DMRT1: variants seen among roughly 807,000 people sequenced by gnomAD.
DMRT1 encodes doublesex- and mab-3-related transcription factor 1.
In DMRT1, 7 loss-of-function variants were observed where a neutral mutation model predicts 32.3. That is an observed-to-expected ratio of 0.22 (90% CI 0.12 to 0.41). DMRT1 has a LOEUF of 0.41. Ranked by LOEUF, DMRT1 falls within the 10% of genes least tolerant of loss-of-function variation. The pLI is 1.00. For missense variants in DMRT1, 625 were observed against 500.5 expected (o/e 1.25, Z -2.37); for synonymous variants, 278 against 206.1 (o/e 1.35, Z -2.99).
chr9:967,888 T>C, intron 4 of DMRT1, 97 bp from the exon 5 acceptor site: 1 of 1,190,874 alleles, frequency 8.4e-7, no homozygotes, highest in Non-Finnish European at 1.2e-6. Flanking sequence ...ACTTTCTTTG[T>C]TGTAACCTAA....
intron 3 of DMRT1, chr9:894,799 TTTTG>T (rs1367483780): frequency 1.9e-5 from 3 of 159,986 alleles, no homozygotes; most frequent in African/African-American, 4.8e-5. Context: ...TTGTTTTTTT[TTTTG>T]TTTGTTTGTT....
chr9:879,040 A>G (rs1009977689), intron 2 of DMRT1, among the ~76,000 whole-genome samples: 1 of 152,198 alleles, frequency 6.6e-6, no homozygotes, highest in Non-Finnish European at 1.5e-5. Context: ...ATAAGGATAA[A>G]GCCAGAGCTG....
intron 4 of DMRT1, among the ~76,000 whole-genome samples, chr9:939,108 C>A (rs16926432): frequency 0.043 from 6,514 of 152,294 alleles, 333 homozygotes; most frequent in African/African-American, 0.12. Flanking sequence ...CCTGTGCATC[C>A]TTTTCCCCTA....
At chr9:949,162 C>T (rs1819346874) in intron 4 of DMRT1, among the ~76,000 whole-genome samples, 1 of 151,908 alleles carries the variant, frequency 6.6e-6, no homozygotes, top group African/African-American at 2.4e-5. Context: ...CCCTTGAGGC[C>T]AGGAGTTTAA....
At chr9:956,361 T>C (rs529347785) in intron 4 of DMRT1, among the ~76,000 whole-genome samples, 3 of 152,262 alleles carry the variant, frequency 2.0e-5, no homozygotes, top group Middle Eastern at 3.4e-3. Flanking sequence ...GCAGTGGTTG[T>C]GAATGTACTT....
In DMRT1 at chr9:894,141, C is replaced by G. The variant is rs749527735; in HGVS notation, c.768C>G (p.Ser256Arg). 1 of 1,614,142 alleles carries G rather than the reference C, an allele frequency of 6.2e-7. No homozygotes were observed. The highest frequency in any genetic ancestry group is 1.7e-5 in the Admixed American group (1 of 60,032). The change falls in exon 3 of 5, where the codon AGC (serine) becomes AGG (arginine). Residue 256 changes from serine to arginine, a missense_variant. Physicochemically the swap from Ser to Arg is moderately radical, Grantham distance 110 (BLOSUM62 -1). Around this residue, in one of 3 missense-constraint regions of DMRT1, gnomAD observed 416 missense variants for 321.6 expected, o/e 1.29. Coordinates refer to ENST00000382276, the MANE Select transcript of DMRT1 (RefSeq NM_021951.3). ...NPLGGSPVKN[S>R]LRGLPGPYVP... ...TCGGGGGATCCCCTGTGAAGAACAGCCTTCGGGGCCTCCCCGGACCTTATG... is the reference window on the plus strand; with the variant it reads ...TCGGGGGATCCCCTGTGAAGAACAGGCTTCGGGGCCTCCCCGGACCTTATG...
At chr9:900,592 T>C (rs1235349734) in intron 3 of DMRT1, among the ~76,000 whole-genome samples, 1 of 151,600 alleles carries the variant, frequency 6.6e-6, no homozygotes, top group Non-Finnish European at 1.5e-5. Flanking sequence ...GAGACAGTTA[T>C]GATGAACAAA....
At chr9:875,921 C>T (rs906653698) in intron 2 of DMRT1, among the ~76,000 whole-genome samples, 1 of 152,102 alleles carries the variant, frequency 6.6e-6, no homozygotes, top group Non-Finnish European at 1.5e-5. Context: ...AGCCAGAAGC[C>T]CCTGTCTCTG....
chr9:877,143 C>G (rs1317168098), intron 2 of DMRT1, among the ~76,000 whole-genome samples: 1 of 152,198 alleles, frequency 6.6e-6, no homozygotes, highest in African/African-American at 2.4e-5. Context: ...CTGTGGTTCA[C>G]CTTCCCTGAC....
Position 861,947 on chromosome 9 carries a change from G to A in DMRT1, c.538+14804G>A, listed in dbSNP as rs867586697. Among the ~76,000 whole-genome samples the A allele has an allele frequency of 2.9e-3, 431 of 150,612 alleles. 22 individuals carry two copies. Among genetic ancestry groups the A allele is most frequent in the African/African-American group, 0.01 (417 of 41,126 alleles). On this transcript the variant is annotated intron_variant, in intron 2 of 4. Coordinates refer to ENST00000382276, the MANE Select transcript of DMRT1 (RefSeq NM_021951.3). Reference sequence around the variant, plus strand: ...GCTCCCAACATCCCAGATGATGGGCGGGCGGGCAGAGACGCTCCTCACTTC... The same window carrying A: ...GCTCCCAACATCCCAGATGATGGGCAGGCGGGCAGAGACGCTCCTCACTTC...
intron 4 of DMRT1, among the ~76,000 whole-genome samples, chr9:942,172 C>G (rs1381228520): frequency 6.6e-6 from 1 of 152,166 alleles, no homozygotes; most frequent in African/African-American, 2.4e-5. Flanking sequence ...GGGGGTAAAT[C>G]TTTTGATTAA....
In DMRT1 at chr9:962,246, G is replaced by C. The variant is rs185074560; in HGVS notation, c.968-5739G>C. On this transcript the variant is annotated intron_variant, in intron 4 of 4. Coordinates refer to ENST00000382276, the MANE Select transcript of DMRT1 (RefSeq NM_021951.3). ...GTGCACGCTTGCTCACCTCTGAGAG[G>C]GTTTAGGAAGAGATGTCAGTGGGAG... Among the ~76,000 whole-genome samples the C allele has an allele frequency of 1.2e-4, 19 of 152,136 alleles. No homozygotes were observed. In the East Asian group the frequency reaches 1.5e-3, roughly 12 times the overall value.
intron 3 of DMRT1, among the ~76,000 whole-genome samples, chr9:907,691 T>A (rs981376672): frequency 6.6e-6 from 1 of 152,196 alleles, no homozygotes; most frequent in Non-Finnish European, 1.5e-5. Context: ...ATACACAAAA[T>A]GACAAGTTTT....
intron 4 of DMRT1, among the ~76,000 whole-genome samples, chr9:927,866 T>C (rs537318336): frequency 7.2e-4 from 110 of 152,314 alleles, no homozygotes; most frequent in African/African-American, 2.5e-3. Context: ...TCCTTTCCTA[T>C]GAAAACTTGG....
chr9:863,896 C>G (rs1028584160), intron 2 of DMRT1, among the ~76,000 whole-genome samples: 1 of 152,138 alleles, frequency 6.6e-6, no homozygotes, highest in Admixed American at 6.5e-5. Flanking sequence ...TTGATCCCGG[C>G]CAACATCAAG....
At chr9:911,377 C>G (rs1817968989) in intron 3 of DMRT1, among the ~76,000 whole-genome samples, 2 of 149,588 alleles carry the variant, frequency 1.3e-5, no homozygotes, top group East Asian at 2.0e-4. Flanking sequence ...CCAAAAGTAG[C>G]AGGGTTGTGA....
chr9:845,491 A>C (rs539555890), intron 1 of DMRT1, among the ~76,000 whole-genome samples: 2 of 152,274 alleles, frequency 1.3e-5, no homozygotes, highest in Non-Finnish European at 2.9e-5. Flanking sequence ...TACAGGTGTG[A>C]GCAACCCCGC....
At chr9:897,970 T>C (rs1817436457) in intron 3 of DMRT1, among the ~76,000 whole-genome samples, 1 of 152,200 alleles carries the variant, frequency 6.6e-6, no homozygotes, top group African/African-American at 2.4e-5. Context: ...ATGATAATGG[T>C]GCAAAATGCG....
chr9:922,863 C>T (rs1051058037), intron 4 of DMRT1, among the ~76,000 whole-genome samples: 1 of 150,820 alleles, frequency 6.6e-6, no homozygotes, highest in African/African-American at 2.5e-5. Context: ...TTCCGTGAAG[C>T]GAGTTGCAGA....
Sources: allele counts gnomAD v4.1 joint callset (sites outside exome capture counted in the v4.1 genomes callset), GRCh38; gene constraint gnomAD v4.1.1; regional missense constraint gnomAD v4.1.1; transcripts MANE v1.5; gene names NCBI Gene and HGNC (gene_info 2026-07-23, HGNC 2026-07-21).